The following KREMEN1 variants were observed in gnomAD, a reference collection of about 807,000 sequenced individuals.
The protein encoded by KREMEN1 is kringle containing transmembrane protein 1.
Under a neutral mutation model 46.5 loss-of-function variants are expected in KREMEN1, and 30 were observed. That is an observed-to-expected ratio of 0.65 (90% CI 0.48 to 0.88). The LOEUF is 0.88. KREMEN1 is among the 40% of genes least tolerant of loss of function. The probability of loss-of-function intolerance (pLI) is 0.00; values close to 1 mark genes in which losing one functional copy is unlikely to be tolerated. For missense variants in KREMEN1, 533 were observed against 596.9 expected (o/e 0.89, Z 1.11); for synonymous variants, 214 against 230.6 (o/e 0.93, Z 0.65).
downstream of KREMEN1, among the ~76,000 whole-genome samples, chr22:29,151,574 A>G (rs939425770): frequency 2.6e-5 from 4 of 152,228 alleles, no homozygotes; most frequent in Non-Finnish European, 5.9e-5. Context: ...GTTATTAGCC[A>G]CAGACAATAT....
chr22:29,137,684 C>A lies in KREMEN1; in HGVS notation c.964+10C>A. The A allele has an allele frequency of 6.4e-7, 1 of 1,574,106 alleles. No homozygotes were observed. Among genetic ancestry groups the A allele is most frequent in the Non-Finnish European group, 8.7e-7 (1 of 1,149,844 alleles). ...GCTGTTTTATACCAAGGTAAGACAT[C>A]TTTGCCTCCTTGGGGGTTCTTCAGG... is the stretch of plus-strand genomic sequence containing the variant. On this transcript the variant is annotated intron_variant, in intron 6 of 8. Coordinates refer to ENST00000400335, the MANE Select transcript of KREMEN1 (RefSeq NM_001039570.3).
intron 1 of KREMEN1, among the ~76,000 whole-genome samples, chr22:29,087,932 G>C (rs2049939): frequency 0.64 from 96,907 of 152,096 alleles, 31,068 homozygotes; most frequent in Middle Eastern, 0.77. Flanking sequence ...TGCAGAGCAG[G>C]TATTATACAA....
chr22:29,131,560 A>ATATGTG (rs1240832937), intron 5 of KREMEN1, among the ~76,000 whole-genome samples: 148 of 69,842 alleles, frequency 2.1e-3, no homozygotes, highest in African/African-American at 7.7e-3. Flanking sequence ...ATATATATAT[A>ATATGTG]TGTGTGTGTG....
At chr22:29,157,563 C>T (rs1408485298) in intron 9 of KREMEN1, among the ~76,000 whole-genome samples, 3 of 152,194 alleles carry the variant, frequency 2.0e-5, no homozygotes, top group African/African-American at 4.8e-5. Context: ...GTCTCGAACT[C>T]CTGGCCTCAA....
chr22:29,091,369 G>A (rs1347899715), intron 1 of KREMEN1, among the ~76,000 whole-genome samples: 1 of 152,138 alleles, frequency 6.6e-6, no homozygotes, highest in Non-Finnish European at 1.5e-5. Context: ...AGTTTGCTAT[G>A]TATAGCTAAG....
At chr22:29,138,354 G>A (rs1319470412) in intron 6 of KREMEN1, among the ~76,000 whole-genome samples, 2 of 152,238 alleles carry the variant, frequency 1.3e-5, no homozygotes, top group African/African-American at 4.8e-5. Context: ...TAGCTGCCAA[G>A]TACAGGGGCA....
Position 29,073,241 on chromosome 22 carries a change from ACCC to A in KREMEN1, c.97+18_97+20del. The A allele has an allele frequency of 9.1e-7, 1 of 1,100,846 alleles. No homozygotes were observed. Among genetic ancestry groups the A allele is most frequent in the Non-Finnish European group, 1.1e-6 (1 of 887,976 alleles). 68.2% of individuals were successfully genotyped at this position (1,100,846 alleles called of 1,614,324 possible). On this transcript the variant is annotated intron_variant, in intron 1 of 8. Transcript: ENST00000400335. This position sits in a 1 kb window ranked among gnomAD's most constrained non-coding sequence, Gnocchi z 4.4. The stretch of plus-strand genomic sequence containing the variant: ...GCCCCGGACCCGGTGAGTGTGAGCG[ACCC>A]CCCGCCGCCCGCCCTGAGCGGAGCC...
rs1363440219 is a variant in KREMEN1 at position 29,144,751 on chromosome 22, CACTG to C, written c.*2642_*2645del. On this transcript the variant is annotated 3_prime_UTR_variant, in exon 9 of 9. Coordinates refer to ENST00000400335, the MANE Select transcript of KREMEN1 (RefSeq NM_001039570.3). Reference sequence around the variant, plus strand: ...CAGTTGTTCAGTTGCCTGGGGCTGACACTGACCACTGGCCTCTGGGGTGTCCTGC... The same window carrying C: ...CAGTTGTTCAGTTGCCTGGGGCTGACACCACTGGCCTCTGGGGTGTCCTGC... 1 of 985,402 alleles carries C rather than the reference CACTG, an allele frequency of 1.0e-6. No individual in the cohort carries two copies. The highest frequency in any genetic ancestry group is 1.2e-6 in the Non-Finnish European group (1 of 830,008). 61.0% of individuals were successfully genotyped at this position (985,402 alleles called of 1,614,324 possible).
chr22:29,150,791 G>C (rs1433042282), downstream of KREMEN1, among the ~76,000 whole-genome samples: 1 of 152,214 alleles, frequency 6.6e-6, no homozygotes, highest in Non-Finnish European at 1.5e-5. Context: ...CATCTCTGCA[G>C]TACGTACTGT....
rs891774661 is a variant in KREMEN1, at chr22:29,085,523, C to T, written c.98-8735C>T. Reference sequence around the variant, plus strand: ...ATATCCAGTCAATGTTCAGATGTTCCTGATTGTCTTATTAGTATTTTTTAC... The same window carrying T: ...ATATCCAGTCAATGTTCAGATGTTCTTGATTGTCTTATTAGTATTTTTTAC... On this transcript the variant is annotated intron_variant, in intron 1 of 8. Transcript: ENST00000400335. 2.0e-5 allele frequency among the ~76,000 whole-genome samples: 3 copies of T among 152,038 alleles called. No homozygotes were observed. In the South Asian group the frequency reaches 6.2e-4, roughly 31 times the overall value.
chr22:29,167,558 G>A (rs1193632239), exon 10 of KREMEN1: 1 of 159,496 alleles, frequency 6.3e-6, no homozygotes, highest in African/African-American at 2.4e-5. Context: ...CGGAAGGAGG[G>A]ACTTCCCACC....
intron 1 of KREMEN1, among the ~76,000 whole-genome samples, chr22:29,089,499 T>C (rs1381093920): frequency 6.6e-6 from 1 of 152,220 alleles, no homozygotes; most frequent in Non-Finnish European, 1.5e-5. Flanking sequence ...CCCATCCTTC[T>C]ACAGTAACTA....
At chr22:29,150,233 C>CT, downstream of KREMEN1, among the ~76,000 whole-genome samples, 1 of 150,416 alleles carries the variant, frequency 6.6e-6, no homozygotes, top group South Asian at 2.1e-4. Flanking sequence ...GGGGGGGGGG[C>CT]AGTGCCTGCC....
intron 7 of KREMEN1, 30 bp downstream of exon 7, chr22:29,138,812 GC>G (rs780654165): frequency 3.4e-5 from 55 of 1,614,094 alleles, no homozygotes; most frequent in Non-Finnish European, 4.6e-5. Context: ...ACCCATGGGG[GC>G]TGGAAGCCAC....
chr22:29,132,166 C>T (rs1163275963), intron 5 of KREMEN1, among the ~76,000 whole-genome samples: 2 of 152,148 alleles, frequency 1.3e-5, no homozygotes, highest in African/African-American at 4.8e-5. Flanking sequence ...GCCACCACGA[C>T]CGGCCAGAAT....
chr22:29,120,479 AGGGAGGAAGGAGAGGTGATAAAGGAAACG>A (rs2038332151), intron 3 of KREMEN1, among the ~76,000 whole-genome samples: 1 of 98,582 alleles, frequency 1.0e-5, no homozygotes, highest in Non-Finnish European at 2.0e-5. Flanking sequence ...TGATGGAAAC[AGGGAGGAAGGAGAGGTGATAAAGGAAACG>A]GAGGAGGGAG....
rs2038836294 is a variant in KREMEN1, at chr22:29,145,113, T to A, written c.*3001T>A. Reference sequence around the variant, plus strand: ...GACTCAGTTAGAACCAGGTAGAAAGTCAGCGACACCCCACAGAAGGCCACT... The same window carrying A: ...GACTCAGTTAGAACCAGGTAGAAAGACAGCGACACCCCACAGAAGGCCACT... On this transcript the variant is annotated 3_prime_UTR_variant, in exon 9 of 9. Transcript: ENST00000400335. The A allele has an allele frequency of 4.1e-6, 4 of 985,720 alleles. No individual in the cohort carries two copies. The highest frequency in any genetic ancestry group is 1.7e-5 in the African/African-American group (1 of 57,192). The allele number at this position is 985,720 out of a possible 1,614,324, so 61.1% of individuals were successfully genotyped here.
chr22:29,146,855 T>TC (rs778517882), downstream of KREMEN1: 1,026 of 907,702 alleles, frequency 1.1e-3, 1 homozygote, highest in Middle Eastern at 4.7e-3. Flanking sequence ...CTATGGGAGT[T>TC]CCCCAGAGAG....
At position 29,146,412 on chromosome 22, in the gene KREMEN1, G is replaced by A; in HGVS notation, c.*4300G>A. On this transcript the variant is annotated 3_prime_UTR_variant, in exon 9 of 9. Transcript: ENST00000400335. The stretch of plus-strand genomic sequence containing the variant: ...TCCGTCTTGCTGAGTTGGGTACGGA[G>A]GCAGAAGTGGGGTGTGGAGGAAAGT... 1 of 985,778 alleles carries A rather than the reference G, an allele frequency of 1.0e-6. No homozygotes were observed. 61.1% of individuals were successfully genotyped at this position (985,778 alleles called of 1,614,324 possible).
Sources: gnomAD v4.1 joint callset for allele counts (sites outside exome capture counted in the v4.1 genomes callset) on GRCh38, gnomAD v4.1.1 for gene constraint, Gnocchi (gnomAD v3.1) non-coding constraint, MANE v1.5 for transcripts, NCBI Gene and HGNC (gene_info 2026-07-23, HGNC 2026-07-21) for gene names.